The following IGSF21 variants were observed in gnomAD, a reference collection of about 807,000 sequenced individuals.
The protein encoded by IGSF21 is immunoglobulin superfamily member 21.
IGSF21 carries 28 observed loss-of-function variants against 46.8 expected under a neutral mutation model. The observed-to-expected ratio is 0.60, with a 90% CI of 0.44 to 0.82. The LOEUF is 0.82. Ranked by LOEUF, IGSF21 falls within the 40% of genes least tolerant of loss-of-function variation. The probability of loss-of-function intolerance (pLI) is 0.00; values close to 1 mark genes in which losing one functional copy is unlikely to be tolerated. For synonymous variants in IGSF21, 284 were observed against 273.6 expected, an observed-to-expected ratio of 1.04 and a Z score of -0.38; for missense variants, 624 against 665.5, an observed-to-expected ratio of 0.94 and a Z score of 0.69.
Position 18,227,999 on chromosome 1 carries a change from G to T in IGSF21, c.172G>T (p.Val58Leu), listed in dbSNP as rs775253227. The change falls in exon 2 of 10, where the codon GTG (valine) becomes TTG (leucine). Residue 58 changes from valine to leucine, a missense_variant. By Grantham distance (32) the Val-to-Leu change is conservative. Coordinates refer to ENST00000251296, the MANE Select transcript of IGSF21 (RefSeq NM_032880.5). ...GACAGATGGGCGCATGCGGGAGATC[G>T]TGTGGTACCGGGTAAGTCACTACTA... ...FKTDGRMREI[V>L]WYRVTDGGTI... 2.5e-6 allele frequency: 4 copies of T among 1,613,174 alleles called. No homozygotes were observed. Among genetic ancestry groups the T allele is most frequent in the Non-Finnish European group, 3.4e-6 (4 of 1,179,352 alleles).
intron 2 of IGSF21, among the ~76,000 whole-genome samples, chr1:18,286,199 G>A (rs1282541162): frequency 1.3e-5 from 2 of 152,222 alleles, no homozygotes; most frequent in Non-Finnish European, 2.9e-5. Flanking sequence ...GGTCAGCTCT[G>A]CTGTTTACTA....
At chr1:18,229,359 G>A (rs998185801) in intron 2 of IGSF21, among the ~76,000 whole-genome samples, 6 of 152,256 alleles carry the variant, frequency 3.9e-5, no homozygotes, top group African/African-American at 4.8e-5. Flanking sequence ...TGGGGCATGC[G>A]TGCTGTTCAT....
intron 1 of IGSF21, among the ~76,000 whole-genome samples, chr1:18,205,513 T>C (rs1048667426): frequency 7.9e-5 from 12 of 152,156 alleles, no homozygotes; most frequent in African/African-American, 2.9e-4. Context: ...GAAAAGGGAC[T>C]GTGATCGAGT....
intron 3 of IGSF21, among the ~76,000 whole-genome samples, chr1:18,327,976 C>T (rs1216452572): frequency 6.6e-6 from 1 of 152,178 alleles, no homozygotes; most frequent in East Asian, 1.9e-4. Flanking sequence ...CATTGCAAAA[C>T]CCCTAAGACT....
chr1:18,200,111 T>TA (rs1192502956), intron 1 of IGSF21, among the ~76,000 whole-genome samples: 1 of 152,192 alleles, frequency 6.6e-6, no homozygotes, highest in African/African-American at 2.4e-5. Flanking sequence ...AGGCTTGCCT[T>TA]AGTTCTTGGT....
intron 1 of IGSF21, among the ~76,000 whole-genome samples, chr1:18,156,535 G>T (rs1036570537): frequency 8.5e-5 from 13 of 152,166 alleles, no homozygotes; most frequent in African/African-American, 3.1e-4. Context: ...CCCGTCCCCA[G>T]CCCCAACCAA....
rs1349138477 is a variant in IGSF21 at position 18,123,424 on chromosome 1, A to G, written c.70+15226A>G. The stretch of plus-strand genomic sequence containing the variant: ...GCATCTGCTCTGGCTCGGGCCTTCT[A>G]CTAGGGCTGGGGCTCCAGAGACAAA... On this transcript the variant is annotated intron_variant, in intron 1 of 9. Transcript: ENST00000251296. Among the ~76,000 whole-genome samples the G allele has an allele frequency of 2.0e-5, 3 of 152,188 alleles. No homozygotes were observed. In the East Asian group the frequency reaches 5.8e-4, roughly 29 times the overall value.
intron 3 of IGSF21, among the ~76,000 whole-genome samples, chr1:18,301,757 A>C (rs1371275294): frequency 6.6e-6 from 1 of 152,148 alleles, no homozygotes; most frequent in Non-Finnish European, 1.5e-5. Flanking sequence ...GGATCTACCC[A>C]GGATGCTTGG....
intron 2 of IGSF21, among the ~76,000 whole-genome samples, chr1:18,270,689 C>G (rs1045033451): frequency 6.6e-6 from 1 of 152,204 alleles, no homozygotes; most frequent in African/African-American, 2.4e-5. Context: ...CAGCCGGGCT[C>G]CGTGACAATG....
chr1:18,335,030 C>T lies in IGSF21; in HGVS notation c.424+20C>T, dbSNP rs1450432252. 6 of 1,567,660 alleles carry T rather than the reference C, an allele frequency of 3.8e-6. No homozygotes were observed. In the Admixed American group the frequency reaches 1.0e-4, roughly 26 times the overall value. ...TCATGGGTGAGTGCAGGGCCACTGG[C>T]CCCTGGTGTCTCAGTGAGGAGGACG... is the stretch of plus-strand genomic sequence containing the variant. On this transcript the variant is annotated intron_variant, in intron 4 of 9. Transcript: ENST00000251296. This position sits in a 1 kb window ranked among gnomAD's most constrained non-coding sequence, Gnocchi z 4.8.
chr1:18,158,295 C>T (rs1301940999), intron 1 of IGSF21, among the ~76,000 whole-genome samples: 1 of 152,350 alleles, frequency 6.6e-6, no homozygotes, highest in African/African-American at 2.4e-5. Context: ...AACCACAGTG[C>T]ACCCTCGGCA....
intron 3 of IGSF21, among the ~76,000 whole-genome samples, chr1:18,318,751 C>T (rs1018132960): frequency 2.0e-5 from 3 of 152,194 alleles, no homozygotes; most frequent in African/African-American, 7.2e-5. Flanking sequence ...TGTCAACACG[C>T]TCTATTTGAC....
intron 3 of IGSF21, among the ~76,000 whole-genome samples, chr1:18,295,635 G>A (rs1051007535): frequency 1.3e-5 from 2 of 152,080 alleles, no homozygotes; most frequent in African/African-American, 4.8e-5. Context: ...TCTGTGAAAG[G>A]GAGGAGGCAG....
intron 2 of IGSF21, among the ~76,000 whole-genome samples, chr1:18,260,791 G>A (rs1248786952): frequency 6.6e-6 from 1 of 152,130 alleles, no homozygotes; most frequent in Non-Finnish European, 1.5e-5. Flanking sequence ...CCTCAGTTTG[G>A]TCCAGCGTCC....
chr1:18,222,005 G>C (rs2084515294), intron 1 of IGSF21, among the ~76,000 whole-genome samples: 2 of 152,120 alleles, frequency 1.3e-5, no homozygotes, highest in African/African-American at 4.8e-5. Context: ...GGCCCAGGAA[G>C]AGGGAAAACT....
At chr1:18,278,756 A>G (rs920169550) in intron 2 of IGSF21, 2 of 455,596 alleles carry the variant, frequency 4.4e-6, no homozygotes, top group African/African-American at 2.0e-5. Flanking sequence ...GGGTTTCACC[A>G]TGTTGCCCAG....
At chr1:18,372,205 A>G (rs964342038) in intron 6 of IGSF21, among the ~76,000 whole-genome samples, 6 of 152,224 alleles carry the variant, frequency 3.9e-5, no homozygotes, top group African/African-American at 1.4e-4. Flanking sequence ...ACTGTTTAAT[A>G]GTTAATTAAT....
intron 6 of IGSF21, among the ~76,000 whole-genome samples, chr1:18,368,450 G>A (rs1234692440): frequency 1.3e-5 from 2 of 150,180 alleles, no homozygotes; most frequent in Admixed American, 6.7e-5. Flanking sequence ...GGCAGAGGCT[G>A]CAGTGAGCCG....
intron 1 of IGSF21, among the ~76,000 whole-genome samples, chr1:18,175,745 G>A (rs2086788879): frequency 6.6e-6 from 1 of 152,222 alleles, no homozygotes; most frequent in Non-Finnish European, 1.5e-5. Context: ...GGACAGGGTG[G>A]AGGGAGAGCT....
Sources: allele counts gnomAD v4.1 joint callset (sites outside exome capture counted in the v4.1 genomes callset), GRCh38; gene constraint gnomAD v4.1.1; non-coding constraint Gnocchi (gnomAD v3.1); transcripts MANE v1.5; gene names NCBI Gene and HGNC (gene_info 2026-07-23, HGNC 2026-07-21).